Variants in ARL13B observed in about 807,000 individuals in gnomAD.
The protein encoded by ARL13B is ADP-ribosylation factor-like protein 13B.
In ARL13B, 36 loss-of-function variants were observed where a neutral mutation model predicts 56.1. That is an observed-to-expected ratio of 0.64 (90% CI 0.49 to 0.85). The LOEUF (loss-of-function observed/expected upper bound fraction) is 0.85, where lower values mean the gene tolerates loss of function less well. ARL13B is among the 40% of genes least tolerant of loss of function. The pLI, the probability that ARL13B is intolerant of heterozygous loss-of-function variation, is 0.00. For missense variants in ARL13B, 519 were observed against 507.1 expected (o/e 1.02, Z -0.23); for synonymous variants, 178 against 171.1 (o/e 1.04, Z -0.32).
chr3:93,993,699 T>C (rs921685808), intron 1 of ARL13B, among the ~76,000 whole-genome samples: 3 of 152,266 alleles, frequency 2.0e-5, no homozygotes, highest in African/African-American at 7.2e-5. Context: ...TTGATAGTTC[T>C]ATGAATTAAT....
At chr3:93,982,565 C>CT (rs769421239) in intron 1 of ARL13B, among the ~76,000 whole-genome samples, 2 of 151,966 alleles carry the variant, frequency 1.3e-5, no homozygotes, top group South Asian at 2.1e-4. Flanking sequence ...TTAGAATTAA[C>CT]TTTTTTTTAC....
intron 2 of ARL13B, among the ~76,000 whole-genome samples, chr3:94,002,220 G>A (rs2076066705): frequency 6.6e-6 from 1 of 152,126 alleles, no homozygotes; most frequent in African/African-American, 2.4e-5. Flanking sequence ...GCTCTGTCCA[G>A]TAGGGTGGAC....
chr3:93,984,016 G>A (rs1358934239), intron 1 of ARL13B, among the ~76,000 whole-genome samples: 2 of 152,140 alleles, frequency 1.3e-5, no homozygotes, highest in African/African-American at 2.4e-5. Context: ...TATGTTATAT[G>A]TATAATTTAT....
chr3:94,001,004 G>A (rs2076047231), intron 2 of ARL13B, among the ~76,000 whole-genome samples: 1 of 152,182 alleles, frequency 6.6e-6, no homozygotes, highest in African/African-American at 2.4e-5. Context: ...GTTTGGTGGT[G>A]TAGTATTGAG....
At position 94,001,297 on chromosome 3, in the gene ARL13B, T is replaced by TG. The variant is rs1221737784; in HGVS notation, c.131-2361dup. On this transcript the variant is annotated intron_variant, in intron 2 of 9. Coordinates refer to ENST00000394222, the MANE Select transcript of ARL13B (RefSeq NM_001174150.2). The stretch of plus-strand genomic sequence containing the variant: ...AGGCTTTGGAAGTCCTGAAGACCTC[T>TG]GTTTGAGGCCTGTCTCTGCCTGCTA... Among the ~76,000 whole-genome samples, 9 of 152,318 alleles carry TG rather than the reference T, an allele frequency of 5.9e-5. No homozygotes were observed. In the East Asian group the frequency reaches 1.7e-3, roughly 29 times the overall value.
intron 3 of ARL13B, chr3:94,015,246 T>C (rs2076307094): frequency 2.6e-6 from 4 of 1,555,104 alleles, no homozygotes; most frequent in African/African-American, 1.4e-5. Context: ...TTCTCTGCTT[T>C]AGTTCTTGAA....
At chr3:93,987,669 G>T (rs907595079) in intron 1 of ARL13B, among the ~76,000 whole-genome samples, 4 of 151,984 alleles carry the variant, frequency 2.6e-5, no homozygotes, top group Non-Finnish European at 5.9e-5. Context: ...TCCTTTTTCT[G>T]AAACGGTCTC....
rs1710129633 is a variant in ARL13B, at chr3:93,980,161, CT to C, written c.-260del. On this transcript the variant is annotated 5_prime_UTR_variant, in exon 1 of 10. Transcript: ENST00000394222. ...GTCAGCACGTCGACGCGGGGCTTTT[CT>C]TTAGCCGGGTCCCGCTAACTCGGCT... The C allele has an allele frequency of 1.6e-6, 1 of 634,054 alleles. No homozygotes were observed. The highest frequency in any genetic ancestry group is 2.9e-6 in the Non-Finnish European group (1 of 347,662). 39.3% of individuals were successfully genotyped at this position (634,054 alleles called of 1,614,324 possible).
At chr3:94,029,301 C>CATATATATATAT (rs1242349606) in intron 3 of ARL13B, among the ~76,000 whole-genome samples, 58 of 77,202 alleles carry the variant, frequency 7.5e-4, no homozygotes, top group South Asian at 2.3e-3. Flanking sequence ...CTATCAAAAT[C>CATATATATATAT]ATATATATAT....
intron 2 of ARL13B, among the ~76,000 whole-genome samples, chr3:94,000,944 G>GA (rs1280999361): frequency 1.3e-5 from 2 of 152,138 alleles, no homozygotes; most frequent in East Asian, 3.9e-4. Flanking sequence ...TACATGAAAG[G>GA]AAAAAAGAAA....
rs974981019 is a variant in ARL13B, at chr3:94,011,275, T to C, written c.380+7367T>C. On this transcript the variant is annotated intron_variant, in intron 3 of 9. Transcript: ENST00000394222. The stretch of plus-strand genomic sequence containing the variant: ...TAGACCCAGTCATCTACACATTCTG[T>C]GCTAGCACACAAATGCTAAACATCG... 4.6e-5 allele frequency among the ~76,000 whole-genome samples: 7 copies of C among 152,268 alleles called. No individual in the cohort carries two copies. The East Asian group carries it at 5.8e-4, about 13-fold the overall frequency.
At chr3:94,017,100 A>G (rs1292714848) in intron 3 of ARL13B, among the ~76,000 whole-genome samples, 6 of 152,198 alleles carry the variant, frequency 3.9e-5, no homozygotes, top group African/African-American at 7.2e-5. Context: ...ATATTTTGAG[A>G]TGGAAGTTCT....
chr3:94,035,389 C>T lies in ARL13B; in HGVS notation c.439C>T (p.Leu147=), dbSNP rs1394663209. The change falls in exon 4 of 10, where the codon CTA becomes TTA. Residue 147 remains leucine (L), a synonymous_variant. Transcript: ENST00000394222. ...AGGAGAAGCTGATGTCATTGAATGT[C>T]TATCTCTGGAAAAATTGGTCAATGA... ...ALGEADVIEC[L]SLEKLVNEHK... 6.2e-7 allele frequency: 1 copy of T among 1,605,720 alleles called. No individual in the cohort carries two copies. Among genetic ancestry groups the T allele is most frequent in the Non-Finnish European group, 8.5e-7 (1 of 1,178,066 alleles).
At chr3:94,015,248 G>T in intron 3 of ARL13B, 1 of 1,549,764 alleles carries the variant, frequency 6.5e-7, no homozygotes, top group Non-Finnish European at 8.7e-7. Context: ...CTCTGCTTTA[G>T]TTCTTGAAGT....
chr3:94,048,716 T>G (rs1049074846), intron 7 of ARL13B, among the ~76,000 whole-genome samples: 1 of 151,998 alleles, frequency 6.6e-6, no homozygotes, highest in East Asian at 1.9e-4. Context: ...CTCAGCCTCC[T>G]GAATAGTTGG....
intron 9 of ARL13B, among the ~76,000 whole-genome samples, chr3:94,051,489 G>A (rs959903902): frequency 3.3e-5 from 5 of 152,080 alleles, no homozygotes. Flanking sequence ...ATAGTTTATG[G>A]CATTAGAATT....
chr3:94,024,998 T>G (rs546060026), intron 3 of ARL13B, among the ~76,000 whole-genome samples: 2 of 152,332 alleles, frequency 1.3e-5, no homozygotes, highest in African/African-American at 4.8e-5. Flanking sequence ...GAGCACAGTG[T>G]ACACAGGCCT....
At chr3:94,024,578 T>G (rs1216038837) in intron 3 of ARL13B, among the ~76,000 whole-genome samples, 1 of 152,196 alleles carries the variant, frequency 6.6e-6, no homozygotes, top group Non-Finnish European at 1.5e-5. Flanking sequence ...TGTCCTTTTT[T>G]GGGCGTGTTG....
At chr3:94,029,714 C>T (rs1358141831) in intron 3 of ARL13B, among the ~76,000 whole-genome samples, 2 of 152,042 alleles carry the variant, frequency 1.3e-5, no homozygotes, top group Admixed American at 1.3e-4. Flanking sequence ...AGAAATGACT[C>T]CTTTACACAC....
Sources: allele counts gnomAD v4.1 joint callset (sites outside exome capture counted in the v4.1 genomes callset), GRCh38; gene constraint gnomAD v4.1.1; transcripts MANE v1.5; gene names NCBI Gene and HGNC (gene_info 2026-07-23, HGNC 2026-07-21).